UTP20: variants seen among roughly 807,000 people sequenced by gnomAD.
UTP20 encodes UTP20 small subunit processome component, also known as small subunit processome component 20 homolog.
A neutral mutation model predicts 329.5 loss-of-function variants in UTP20; 164 were observed. The observed-to-expected ratio is 0.50, with a 90% CI of 0.44 to 0.57. The LOEUF (loss-of-function observed/expected upper bound fraction) is 0.57. UTP20 is among the 20% of genes least tolerant of loss of function. UTP20 has a pLI of 0.00. For synonymous variants in UTP20, 1,151 were observed against 1,159.3 expected (o/e 0.99, Z 0.14); for missense variants, 3,055 against 3,284.2 (o/e 0.93, Z 1.71).
intron 36 of UTP20, 34 bp from the exon 37 acceptor site, chr12:101,345,520 A>T (rs768335616): frequency 7.4e-7 from 1 of 1,349,668 alleles, no homozygotes; most frequent in South Asian, 1.5e-5. Flanking sequence ...TTCTTTTTAA[A>T]ATAAAATGTT....
chr12:101,371,777 C>T (rs899187560), intron 51 of UTP20, among the ~76,000 whole-genome samples: 1 of 151,998 alleles, frequency 6.6e-6, no homozygotes, highest in Non-Finnish European at 1.5e-5. Context: ...TGTGATCCAC[C>T]CACCTTGGCC....
At chr12:101,307,380 C>CTCATT (rs1177418946) in intron 17 of UTP20, among the ~76,000 whole-genome samples, 13 of 151,382 alleles carry the variant, frequency 8.6e-5, no homozygotes, top group African/African-American at 2.9e-4. Flanking sequence ...TACCACATAC[C>CTCATT]TCATTTCTTT....
At position 101,359,580 on chromosome 12, in the gene UTP20, ACT is replaced by A. The variant is rs201830308; in HGVS notation, c.5692-2379_5692-2378del. ...TTTCAGTCTATCTGCAGCTTCACTG[ACT>A]CTTCCCTCTTTCATATCTTTCTGCA... On this transcript the variant is annotated intron_variant, in intron 43 of 61. Transcript: ENST00000261637. 1.0e-2 allele frequency among the ~76,000 whole-genome samples: 1,490 copies of A among 149,612 alleles called. 21 individuals are homozygous for A. The highest frequency in any genetic ancestry group is 0.082 in the East Asian group (414 of 5,052).
Position 101,312,188 on chromosome 12 carries a change from T to C in UTP20, c.2464T>C (p.Phe822Leu), listed in dbSNP as rs767907847. 2 of 1,614,200 alleles carry C rather than the reference T, an allele frequency of 1.2e-6. No individual in the cohort carries two copies. The highest frequency in any genetic ancestry group is 1.7e-6 in the Non-Finnish European group (2 of 1,180,024). ...QERLDHTNFR[F>L]LLWRALTKFP... ...AAGACTTGACCACACCAACTTCAGATTCCTGCTCTGGAGAGCTCTGACCAA... is the reference window on the plus strand; with the variant it reads ...AAGACTTGACCACACCAACTTCAGACTCCTGCTCTGGAGAGCTCTGACCAA... Residue 822 changes from phenylalanine (F) to leucine (L), a missense_variant, in exon 21 of 62, where the codon TTC becomes CTC. By Grantham distance (22) the Phe-to-Leu change is conservative (BLOSUM62 0). Around this residue, in one of 3 missense-constraint regions of UTP20, gnomAD observed 2,445 missense variants for 2,575.5 expected, o/e 0.95. Coordinates refer to ENST00000261637, the MANE Select transcript of UTP20 (RefSeq NM_014503.3).
intron 54 of UTP20, 113 bp from the exon 55 acceptor site, chr12:101,374,695 A>G: frequency 3.1e-6 from 2 of 645,008 alleles, no homozygotes; most frequent in East Asian, 5.1e-5. Flanking sequence ...ATCAGAAAGA[A>G]ATGTTTATTT....
chr12:101,366,279 A>G (rs1405718931), intron 46 of UTP20, among the ~76,000 whole-genome samples: 2 of 152,184 alleles, frequency 1.3e-5, no homozygotes, highest in Non-Finnish European at 2.9e-5. Flanking sequence ...TCTTGCTTCT[A>G]TGGTCTAAGA....
In UTP20 at chr12:101,354,731, T is replaced by C. The variant is rs117857926; in HGVS notation, c.5108-101T>C. 9,276 of 1,302,588 alleles carry C rather than the reference T, an allele frequency of 7.1e-3. 45 individuals carry two copies. The highest frequency in any genetic ancestry group is 9.0e-3 in the Non-Finnish European group (8,500 of 945,660). 80.7% of individuals were successfully genotyped at this position (1,302,588 alleles called of 1,614,324 possible). A position where few individuals can be genotyped will look rare whatever the true frequency, so the allele number is the denominator to read the frequency against. ...CCTGCCCACAGTTGCTGATTAGATA[T>C]TTTTTATCGGAAGTTGGACGTTGGT... is the stretch of plus-strand genomic sequence containing the variant. On this transcript the variant is annotated intron_variant, in intron 40 of 61. Transcript: ENST00000261637.
At chr12:101,335,832 C>G (rs1484889179) in intron 29 of UTP20, among the ~76,000 whole-genome samples, 2 of 152,106 alleles carry the variant, frequency 1.3e-5, no homozygotes, top group Non-Finnish European at 2.9e-5. Context: ...ATAGTATGTT[C>G]TCTACATTTA....
intron 29 of UTP20, among the ~76,000 whole-genome samples, chr12:101,337,252 C>G (rs990599382): frequency 6.6e-6 from 1 of 152,214 alleles, no homozygotes; most frequent in Non-Finnish European, 1.5e-5. Flanking sequence ...AATATAACCT[C>G]TTAGAACTTT....
chr12:101,340,642 C>G (rs199632335), intron 32 of UTP20, 32 bp downstream of exon 32: 10 of 1,415,254 alleles, frequency 7.1e-6, no homozygotes, highest in Non-Finnish European at 8.9e-6. Flanking sequence ...AACTTTGTCT[C>G]TAGAGTGGCA....
chr12:101,367,820 A>T (rs1870145234), intron 47 of UTP20, 40 bp from the exon 48 acceptor site: 2 of 1,330,390 alleles, frequency 1.5e-6, no homozygotes, highest in South Asian at 2.4e-5. Context: ...ATCTGGTCTA[A>T]TGGGCAACTA....
intron 31 of UTP20, among the ~76,000 whole-genome samples, chr12:101,339,264 G>A (rs1869041255): frequency 6.6e-6 from 1 of 152,108 alleles, no homozygotes; most frequent in Non-Finnish European, 1.5e-5. Flanking sequence ...AGTGAGCCGA[G>A]ATCGCGCCAC....
chr12:101,295,684 AATG>A, intron 12 of UTP20, 26 bp downstream of exon 12: 1 of 1,566,942 alleles, frequency 6.4e-7, no homozygotes, highest in Non-Finnish European at 8.7e-7. Context: ...TTATTCCTGT[AATG>A]ATGATAAGTT....
Position 101,327,142 on chromosome 12 carries a change from G to C in UTP20, c.3103G>C (p.Gly1035Arg). ...GSKTQGKSAS[G>R]TRMAIVLRFL... ...TAAAACTCAGGGGAAATCTGCTTCA[G>C]GCACCCGCATGGCCATTGTCCTGCG... The change falls in exon 26 of 62, where the codon GGC becomes CGC. Residue 1035 changes from glycine to arginine, a missense_variant. By Grantham distance (125) the Gly-to-Arg change is moderately radical. Around this residue, in one of 3 missense-constraint regions of UTP20, gnomAD observed 2,445 missense variants for 2,575.5 expected, o/e 0.95. Coordinates refer to ENST00000261637, the MANE Select transcript of UTP20 (RefSeq NM_014503.3). 2 of 1,613,148 alleles carry C rather than the reference G, an allele frequency of 1.2e-6. No individual in the cohort carries two copies. The highest frequency in any genetic ancestry group is 1.7e-6 in the Non-Finnish European group (2 of 1,179,200).
intron 43 of UTP20, among the ~76,000 whole-genome samples, chr12:101,360,320 C>T (rs770123096): frequency 3.3e-5 from 5 of 152,168 alleles, no homozygotes; most frequent in Admixed American, 6.5e-5. Flanking sequence ...GAGGTGAACA[C>T]CTTGAGCCCA....
At chr12:101,375,321 A>G (rs1190058736) in intron 55 of UTP20, among the ~76,000 whole-genome samples, 1 of 152,118 alleles carries the variant, frequency 6.6e-6, no homozygotes, top group Non-Finnish European at 1.5e-5. Context: ...TATGAAGATC[A>G]AAGGTTCTCA....
At chr12:101,358,072 T>C (rs1451634731) in intron 43 of UTP20, among the ~76,000 whole-genome samples, 2 of 152,220 alleles carry the variant, frequency 1.3e-5, no homozygotes, top group Admixed American at 6.5e-5. Flanking sequence ...TTAAGACTCC[T>C]GGTAGTTAGC....
Position 101,367,860 on chromosome 12 carries a change from C to T in UTP20, c.6268C>T (p.Leu2090=), listed in dbSNP as rs747103392. The change falls in exon 48 of 62, where the codon CTG becomes TTG. Residue 2090 remains leucine, a splice_region_variant and synonymous_variant. Transcript: ENST00000261637. ...GAAATACCTGTTTGAACTCTCTTAG[C>T]TGCTGCATCTGAGTCTGAAGACTTC... ...MHIFIESGLR[L]LHLSLKTSKI... is the part of the protein sequence containing the mutation. 1.9e-6 allele frequency: 3 copies of T among 1,607,142 alleles called. No homozygotes were observed. The highest frequency in any genetic ancestry group is 2.6e-6 in the Non-Finnish European group (3 of 1,173,786).
Position 101,342,855 on chromosome 12 carries a change from C to G in UTP20, c.4296+18C>G, listed in dbSNP as rs1869185993. The G allele has an allele frequency of 6.2e-7, 1 of 1,611,768 alleles. No homozygotes were observed. Among genetic ancestry groups the G allele is most frequent in the African/African-American group, 1.3e-5 (1 of 74,778 alleles). On this transcript the variant is annotated intron_variant, in intron 34 of 61. Transcript: ENST00000261637. ...TTGTCAAGGTAAGAAAGAAGGGTTT[C>G]TCTTTGGCTTCAAAAGTATTATCAT... is the stretch of plus-strand genomic sequence containing the variant.
Sources: allele counts gnomAD v4.1 joint callset (sites outside exome capture counted in the v4.1 genomes callset), GRCh38; gene constraint gnomAD v4.1.1; regional missense constraint gnomAD v4.1.1; transcripts MANE v1.5; gene names NCBI Gene and HGNC (gene_info 2026-07-23, HGNC 2026-07-21).